OSBPL1A: variants seen among roughly 807,000 people sequenced by gnomAD.
The protein encoded by OSBPL1A is oxysterol binding protein like 1A, also known as oxysterol-binding protein-related protein 1.
OSBPL1A carries 80 observed loss-of-function variants against 137.1 expected under a neutral mutation model. The ratio of observed to expected loss-of-function variants is 0.58; its 90% CI spans 0.49 to 0.70. The LOEUF is 0.70. Ranked by LOEUF, OSBPL1A falls within the 30% of genes least tolerant of loss-of-function variation. The probability of loss-of-function intolerance (pLI) is 0.00; values close to 1 mark genes in which losing one functional copy is unlikely to be tolerated. For missense variants in OSBPL1A, 970 were observed against 1,129.4 expected (o/e 0.86, Z 2.02); for synonymous variants, 365 against 389.7 (o/e 0.94, Z 0.75).
intron 15 of OSBPL1A, among the ~76,000 whole-genome samples, chr18:24,245,824 A>C (rs1017150742): frequency 2.0e-5 from 3 of 152,154 alleles, no homozygotes; most frequent in African/African-American, 7.2e-5. Flanking sequence ...ATCTCATCTC[A>C]TCACTGCCTT....
chr18:24,225,269 C>T, intron 16 of OSBPL1A, 71 bp from the exon 17 acceptor site: 2 of 1,534,540 alleles, frequency 1.3e-6, no homozygotes, highest in African/African-American at 1.4e-5. Flanking sequence ...TGGATCCCTC[C>T]CTTCATGCCT....
At chr18:24,351,700 C>G (rs865875066) in intron 4 of OSBPL1A, among the ~76,000 whole-genome samples, 1 of 152,178 alleles carries the variant, frequency 6.6e-6, no homozygotes, top group African/African-American at 2.4e-5. Context: ...CCACCATGCG[C>G]AGATAATTTT....
At chr18:24,312,148 T>G in intron 12 of OSBPL1A, 42 bp from the exon 13 acceptor site, 2 of 1,607,540 alleles carry the variant, frequency 1.2e-6, no homozygotes, top group Non-Finnish European at 1.7e-6. Flanking sequence ...AAAAGCATTT[T>G]TATTCCAAAG....
intron 23 of OSBPL1A, 42 bp from the exon 24 acceptor site, chr18:24,170,495 G>GA (rs2086249883): frequency 1.2e-6 from 2 of 1,612,252 alleles, no homozygotes; most frequent in East Asian, 4.5e-5. Context: ...ACCAGTGTTT[G>GA]TTTTTTTAAA....
intron 15 of OSBPL1A, among the ~76,000 whole-genome samples, chr18:24,258,494 TG>T (rs2089349254): frequency 6.6e-6 from 1 of 152,094 alleles, no homozygotes; most frequent in African/African-American, 2.4e-5. Flanking sequence ...GGGGCAGGGT[TG>T]GGGGAATGTG....
chr18:24,167,273 A>C, intron 25 of OSBPL1A, 56 bp downstream of exon 25: 1 of 1,503,860 alleles, frequency 6.6e-7, no homozygotes, highest in African/African-American at 1.4e-5. Context: ...GCCAGGAAAG[A>C]GCGCCACAAT....
chr18:24,240,511 A>G (rs368540173), intron 15 of OSBPL1A, among the ~76,000 whole-genome samples: 2 of 152,194 alleles, frequency 1.3e-5, no homozygotes, highest in East Asian at 1.9e-4. Flanking sequence ...AATCACTACT[A>G]TGCCTTAATC....
intron 7 of OSBPL1A, among the ~76,000 whole-genome samples, chr18:24,320,865 C>G (rs1018322366): frequency 6.6e-6 from 1 of 151,734 alleles, no homozygotes. Flanking sequence ...CCCATCTCTA[C>G]TAAAAATACA....
In OSBPL1A at chr18:24,162,716, A is replaced by G. The variant is rs1276769409; in HGVS notation, c.*463T>C. 1 of 152,642 alleles carries G rather than the reference A, an allele frequency of 6.6e-6. No homozygotes were observed. Among genetic ancestry groups the G allele is most frequent in the Non-Finnish European group, 1.5e-5 (1 of 68,388 alleles). 9.5% of individuals were successfully genotyped at this position (152,642 alleles called of 1,614,324 possible). A position where few individuals can be genotyped will look rare whatever the true frequency, so the allele number is the denominator to read the frequency against. On this transcript the variant is annotated 3_prime_UTR_variant, in exon 28 of 28. Transcript: ENST00000319481. ...CAATGAAGTCTTTATAAAATGACAT[A>G]ACCTCTATATCTGAGAATAAACATT...
At chr18:24,251,730 A>C (rs891781258) in intron 15 of OSBPL1A, among the ~76,000 whole-genome samples, 8 of 152,218 alleles carry the variant, frequency 5.3e-5, no homozygotes, top group African/African-American at 1.9e-4. Context: ...GAACTAAATA[A>C]GGCAGCAGGG....
intron 4 of OSBPL1A, among the ~76,000 whole-genome samples, chr18:24,345,507 C>T (rs1786662): frequency 1.8e-4 from 27 of 152,058 alleles, no homozygotes; most frequent in African/African-American, 5.1e-4. Context: ...GCCAACATGG[C>T]GAAACCCGTC....
chr18:24,334,227 GT>G lies in OSBPL1A; in HGVS notation c.480+17del, dbSNP rs375300030. 2.1e-5 allele frequency: 33 copies of G among 1,587,230 alleles called. No individual in the cohort carries two copies. In the African/African-American group the frequency reaches 2.7e-4, roughly 13 times the overall value. The stretch of plus-strand genomic sequence containing the variant: ...AAAGACTGCTTTTTGTCTTTTGGGG[GT>G]TTTTTGTTTGTTTTACCAGAGCTGT... On this transcript the variant is annotated intron_variant, in intron 6 of 27. Coordinates refer to ENST00000319481, the MANE Select transcript of OSBPL1A (RefSeq NM_080597.4).
intron 2 of OSBPL1A, chr18:24,368,727 G>T (rs543965869): frequency 2.0e-5 from 4 of 195,354 alleles, no homozygotes; most frequent in Non-Finnish European, 4.3e-5. Flanking sequence ...CATAGTTCAC[G>T]ACAAGCAACT....
At chr18:24,348,764 A>G (rs2091388598) in intron 4 of OSBPL1A, among the ~76,000 whole-genome samples, 1 of 152,106 alleles carries the variant, frequency 6.6e-6, no homozygotes, top group Admixed American at 6.6e-5. Context: ...ACAGACTGAG[A>G]CTGTCTCAAA....
chr18:24,165,296 A>G, intron 26 of OSBPL1A, 141 bp from the exon 27 acceptor site: 1 of 769,950 alleles, frequency 1.3e-6, no homozygotes. Flanking sequence ...AGAATCAAAT[A>G]TCAAGCAAAA....
At chr18:24,179,445 A>C (rs1204117145) in intron 20 of OSBPL1A, 1 of 347,482 alleles carries the variant, frequency 2.9e-6, no homozygotes, top group Non-Finnish European at 5.3e-6. Context: ...TAAAAAAAAA[A>C]AACAAAACAA....
At chr18:24,295,332 T>C (rs1241499664) in intron 14 of OSBPL1A, among the ~76,000 whole-genome samples, 1 of 152,218 alleles carries the variant, frequency 6.6e-6, no homozygotes, top group Non-Finnish European at 1.5e-5. Flanking sequence ...GTTGGATGCA[T>C]AGTTTGCATA....
rs530615542 is a variant in OSBPL1A at position 24,288,717 on chromosome 18, G to A, written c.1175-7769C>T. ...TGGAAGGCGGAGGTTGCAGTGAGCCGAGATCGGCCATTGCACTCCAGCCTG... is the reference window on the plus strand; with the variant it reads ...TGGAAGGCGGAGGTTGCAGTGAGCCAAGATCGGCCATTGCACTCCAGCCTG... On this transcript the variant is annotated intron_variant, in intron 14 of 27. Transcript: ENST00000319481. Among the ~76,000 whole-genome samples the A allele has an allele frequency of 1.7e-4, 26 of 149,642 alleles. 1 individual carries two copies. The South Asian group carries it at 5.0e-3, about 29-fold the overall frequency.
intron 15 of OSBPL1A, among the ~76,000 whole-genome samples, chr18:24,264,970 T>C (rs2146047281): frequency 6.6e-6 from 1 of 152,248 alleles, no homozygotes; most frequent in African/African-American, 2.4e-5. Flanking sequence ...TCTATGGAGG[T>C]ACCGCAGTGG....
Sources: gnomAD v4.1 joint callset for allele counts (sites outside exome capture counted in the v4.1 genomes callset) on GRCh38, gnomAD v4.1.1 for gene constraint, MANE v1.5 for transcripts, NCBI Gene and HGNC (gene_info 2026-07-23, HGNC 2026-07-21) for gene names.